WNK1: variants seen among roughly 807,000 people sequenced by gnomAD.
WNK1 encodes the protein WNK lysine deficient protein kinase 1.
A neutral mutation model predicts 222.8 loss-of-function variants in WNK1; 38 were observed. The observed-to-expected ratio is 0.17, with a 90% confidence interval of 0.13 to 0.22. The LOEUF (loss-of-function observed/expected upper bound fraction) is 0.22, where lower values mean the gene tolerates loss of function less well. Among genes scored for constraint, WNK1 ranks in the 10% least tolerant of loss-of-function variants. The probability of loss-of-function intolerance (pLI) is 1.00; values close to 1 mark genes in which losing one functional copy is unlikely to be tolerated. For missense variants in WNK1, 2,348 were observed against 2,918.4 expected, an observed-to-expected ratio of 0.80 and a Z score of 4.50; for synonymous variants, 1,090 against 1,092.9, an observed-to-expected ratio of 1.00 and a Z score of 0.05.
chr12:810,275 A>G (rs952400434), intron 1 of WNK1, among the ~76,000 whole-genome samples: 6 of 151,970 alleles, frequency 3.9e-5, no homozygotes, highest in African/African-American at 1.2e-4. Flanking sequence ...ATAGATGCCC[A>G]TGTCTTGCTA....
At chr12:784,423 G>T (rs1239422961) in intron 1 of WNK1, among the ~76,000 whole-genome samples, 1 of 151,950 alleles carries the variant, frequency 6.6e-6, no homozygotes, top group South Asian at 2.1e-4. Context: ...ATGAATTACA[G>T]TTTTTTAATT....
At chr12:897,795 C>A in intron 25 of WNK1, 114 bp downstream of exon 25, 1 of 1,156,518 alleles carries the variant, frequency 8.6e-7, no homozygotes, top group Non-Finnish European at 1.3e-6. Context: ...AGGAATTTGG[C>A]TCTCCTGATA....
At position 754,023 on chromosome 12, in the gene WNK1, C is replaced by A; in HGVS notation, c.458C>A (p.Pro153His). Residue 153 changes from proline to histidine, a missense_variant, in exon 1 of 28, where the codon CCC becomes CAC. Transcript: ENST00000315939. ...PGEQAVAGPA[P>H]STVPSSTSKD... ...GAACAGGCCGTCGCGGGCCCTGCCC[C>A]CTCGACTGTCCCCAGCAGTACCAGC... 1 of 1,588,540 alleles carries A rather than the reference C, an allele frequency of 6.3e-7. No homozygotes were observed. The highest frequency in any genetic ancestry group is 8.6e-7 in the Non-Finnish European group (1 of 1,167,918).
At position 760,251 on chromosome 12, in the gene WNK1, C is replaced by A. The variant is rs758765809; in HGVS notation, c.759+5927C>A. ...CTTTTGGTGGATCTCATATATAATT[C>A]TTATAGTATTTATTTATCATATTGA... On this transcript the variant is annotated intron_variant, in intron 1 of 27. Coordinates refer to ENST00000315939, the MANE Select transcript of WNK1 (RefSeq NM_018979.4). Among the ~76,000 whole-genome samples the A allele has an allele frequency of 5.4e-5, 8 of 147,602 alleles. 1 individual carries two copies. Among genetic ancestry groups the A allele is most frequent in the Non-Finnish European group, 1.1e-4 (7 of 66,138 alleles).
intron 4 of WNK1, among the ~76,000 whole-genome samples, chr12:833,523 A>G (rs886733265): frequency 3.3e-5 from 5 of 152,150 alleles, no homozygotes; most frequent in Admixed American, 2.0e-4. Context: ...TACCTCCACT[A>G]TAAGCTTTTC....
At chr12:860,992 A>G in intron 6 of WNK1, 21 bp from the exon 7 acceptor site, 2 of 1,611,152 alleles carry the variant, frequency 1.2e-6, no homozygotes, top group Non-Finnish European at 1.7e-6. Context: ...CTACTGCTTA[A>G]TTTACCCTTT....
At chr12:817,560 C>T (rs896267337) in intron 2 of WNK1, among the ~76,000 whole-genome samples, 2 of 152,094 alleles carry the variant, frequency 1.3e-5, no homozygotes, top group African/African-American at 4.8e-5. Flanking sequence ...TTTCGAGTTT[C>T]TACCTTTGTT....
chr12:864,991 T>G, intron 8 of WNK1: 3 of 1,323,200 alleles, frequency 2.3e-6, no homozygotes, highest in Non-Finnish European at 3.0e-6. Flanking sequence ...ACTGACTTTG[T>G]GGAATTGGGA....
intron 10 of WNK1, 59 bp from the exon 11 acceptor site, chr12:879,514 T>TTTTTTTTTTTTTTTTTTTTTTTTTTTTTC: frequency 6.8e-5 from 3 of 43,858 alleles, no homozygotes; most frequent in African/African-American, 9.8e-5. Context: ...GCAGCCTTGC[T>TTTTTTTTTTTTTTTTTTTTTTTTTTTTTC]TTTTTTTTTT....
chr12:803,819 T>C (rs118070276), intron 1 of WNK1, among the ~76,000 whole-genome samples: 5 of 152,228 alleles, frequency 3.3e-5, no homozygotes, highest in Admixed American at 2.0e-4. Context: ...ATATTCCACA[T>C]TTCTGTATGC....
At chr12:853,812 A>G (rs550292502) in intron 4 of WNK1, among the ~76,000 whole-genome samples, 433 of 152,126 alleles carry the variant, frequency 2.8e-3, no homozygotes, top group African/African-American at 9.7e-3. Flanking sequence ...GTGCAGTGGC[A>G]CAATCATGGC....
intron 1 of WNK1, among the ~76,000 whole-genome samples, chr12:755,959 G>A (rs1037330821): frequency 3.9e-5 from 6 of 152,232 alleles, no homozygotes; most frequent in African/African-American, 1.4e-4. Flanking sequence ...TGGTGACAGA[G>A]CGAGACTCCG....
At chr12:905,783 G>A (rs1413972469) in intron 26 of WNK1, among the ~76,000 whole-genome samples, 6 of 152,006 alleles carry the variant, frequency 3.9e-5, no homozygotes, top group South Asian at 2.1e-4. Flanking sequence ...TTCTCCCCTC[G>A]CGTTTCCTGT....
intron 2 of WNK1, among the ~76,000 whole-genome samples, chr12:816,305 G>A (rs1340041533): frequency 1.3e-5 from 2 of 151,946 alleles, no homozygotes; most frequent in East Asian, 1.9e-4. Flanking sequence ...GGTCTCACTC[G>A]GTTGCCCAGG....
intron 2 of WNK1, among the ~76,000 whole-genome samples, chr12:821,800 A>G (rs1947903539): frequency 6.6e-6 from 1 of 152,004 alleles, no homozygotes; most frequent in African/African-American, 2.4e-5. Flanking sequence ...TATCTCTTGC[A>G]TCAGTATTTT....
chr12:819,036 G>A (rs901837534), intron 2 of WNK1, among the ~76,000 whole-genome samples: 5 of 152,132 alleles, frequency 3.3e-5, no homozygotes, highest in Non-Finnish European at 7.4e-5. Context: ...TTTTGAGGAG[G>A]CATCCTACCG....
rs777860000 is a variant in WNK1 at position 885,000 on chromosome 12, C to T, written c.4196C>T (p.Pro1399Leu). Reference protein sequence around the residue: ...STGVVTSGGLPIPPVSESPVL... With the variant: ...STGVVTSGGLLIPPVSESPVL... ...GGTGTGGTAACTTCAGGTGGTCTCC[C>T]CATACCACCTGTGTCTGAATCACCA... Residue 1399 changes from proline (P) to leucine (L), a missense_variant, in exon 19 of 28, where the codon CCC becomes CTC. By Grantham distance (98) the Pro-to-Leu change is moderately conservative (BLOSUM62 -3). Around this residue, in one of 13 missense-constraint regions of WNK1, gnomAD observed 1,144 missense variants for 1,273.6 expected, o/e 0.90. Transcript: ENST00000315939. This position sits in a 1 kb window ranked among gnomAD's most constrained non-coding sequence, Gnocchi z 5.6. 5.0e-6 allele frequency: 8 copies of T among 1,614,124 alleles called. No homozygotes were observed. Among genetic ancestry groups the T allele is most frequent in the South Asian group, 1.1e-5 (1 of 91,086 alleles).
At chr12:769,843 C>T (rs770467410) in intron 1 of WNK1, among the ~76,000 whole-genome samples, 22 of 152,172 alleles carry the variant, frequency 1.4e-4, no homozygotes, top group Non-Finnish European at 2.8e-4. Context: ...TTTCTTGCCA[C>T]GTGCTCACAT....
Position 798,349 on chromosome 12 carries a change from G to A in WNK1, c.760-15293G>A, listed in dbSNP as rs1371646216. ...TGGGACTACAGGCACCCTCCACCAC[G>A]CCCGGCTAATTTTTTATATTTTTTA... is the stretch of plus-strand genomic sequence containing the variant. On this transcript the variant is annotated intron_variant, in intron 1 of 27. Coordinates refer to ENST00000315939, the MANE Select transcript of WNK1 (RefSeq NM_018979.4). Among the ~76,000 whole-genome samples the A allele has an allele frequency of 3.3e-5, 5 of 151,952 alleles. No individual in the cohort carries two copies. In the South Asian group the frequency reaches 8.3e-4, roughly 25 times the overall value.
Sources: allele counts gnomAD v4.1 joint callset (sites outside exome capture counted in the v4.1 genomes callset), GRCh38; gene constraint gnomAD v4.1.1; regional missense constraint gnomAD v4.1.1; non-coding constraint Gnocchi (gnomAD v3.1); transcripts MANE v1.5; gene names NCBI Gene and HGNC (gene_info 2026-07-23, HGNC 2026-07-21).